The following STX18 variants were observed in gnomAD, a reference collection of about 807,000 sequenced individuals.
STX18 encodes syntaxin-18.
In STX18, 40 loss-of-function variants were observed where a neutral mutation model predicts 50.1. The ratio of observed to expected loss-of-function variants is 0.80; its 90% confidence interval spans 0.62 to 1.04. The LOEUF (loss-of-function observed/expected upper bound fraction) is 1.04, where lower values mean the gene tolerates loss of function less well. STX18 is among the 50% of genes least tolerant of loss of function. STX18 has a pLI of 0.00. For missense variants in STX18, 410 were observed against 415.8 expected (o/e 0.99, Z 0.12); for synonymous variants, 158 against 151.8 (o/e 1.04, Z -0.30).
At chr4:4,460,892 C>T (rs547418331) in intron 2 of STX18, among the ~76,000 whole-genome samples, 1 of 152,100 alleles carries the variant, frequency 6.6e-6, no homozygotes, top group Admixed American at 6.5e-5. Context: ...ATGAATGGCT[C>T]CCCTCTGGGG....
At chr4:4,448,897 T>C (rs1726583039) in intron 5 of STX18, among the ~76,000 whole-genome samples, 1 of 152,274 alleles carries the variant, frequency 6.6e-6, no homozygotes, top group South Asian at 2.1e-4. Flanking sequence ...CCCTTTCATT[T>C]TTCTGAGTGA....
At chr4:4,462,044 C>G (rs1727407793) in intron 2 of STX18, 1 of 449,630 alleles carries the variant, frequency 2.2e-6, no homozygotes, top group East Asian at 7.0e-5. Flanking sequence ...AGCAGAGTAT[C>G]AACAAGGCCA....
At chr4:4,520,797 G>C (rs1433149945) in intron 1 of STX18, among the ~76,000 whole-genome samples, 1 of 152,102 alleles carries the variant, frequency 6.6e-6, no homozygotes, top group South Asian at 2.1e-4. Flanking sequence ...ATAAATAAAT[G>C]TACTCAAAGC....
intron 9 of STX18, among the ~76,000 whole-genome samples, chr4:4,421,695 T>C (rs911727159): frequency 1.3e-5 from 2 of 152,232 alleles, no homozygotes; most frequent in African/African-American, 4.8e-5. Flanking sequence ...TAGTCTCTCA[T>C]TTCTTTCTGA....
At chr4:4,440,817 G>A (rs980288425) in intron 5 of STX18, among the ~76,000 whole-genome samples, 1 of 152,186 alleles carries the variant, frequency 6.6e-6, no homozygotes, top group African/African-American at 2.4e-5. Flanking sequence ...CTACAGCTGA[G>A]TCATAAAACT....
At chr4:4,541,221 C>T (rs1162073631) in intron 1 of STX18, among the ~76,000 whole-genome samples, 1 of 152,218 alleles carries the variant, frequency 6.6e-6, no homozygotes, top group Non-Finnish European at 1.5e-5. Context: ...GAAGGGACAC[C>T]TGCTCTGATC....
At chr4:4,523,206 T>C (rs1479021855) in intron 1 of STX18, among the ~76,000 whole-genome samples, 2 of 152,190 alleles carry the variant, frequency 1.3e-5, no homozygotes, top group African/African-American at 4.8e-5. Context: ...AAAAACAAGC[T>C]TATTACTTGG....
chr4:4,531,084 C>T (rs980982373), intron 1 of STX18, among the ~76,000 whole-genome samples: 3 of 151,866 alleles, frequency 2.0e-5, no homozygotes, highest in East Asian at 3.8e-4. Context: ...AACCAATTAC[C>T]GCCAATCACT....
intron 3 of STX18, among the ~76,000 whole-genome samples, chr4:4,459,060 A>ACG (rs899527406): frequency 6.8e-4 from 95 of 139,526 alleles, no homozygotes; most frequent in African/African-American, 2.2e-3. Flanking sequence ...ACACACACAC[A>ACG]CGCACACACA....
At chr4:4,532,358 CCTG>C (rs1731138780) in intron 1 of STX18, among the ~76,000 whole-genome samples, 2 of 151,920 alleles carry the variant, frequency 1.3e-5, no homozygotes, top group African/African-American at 4.8e-5. Context: ...AAAAATGTGC[CCTG>C]CTAATAAAAT....
chr4:4,441,923 G>A (rs1396435734), intron 5 of STX18, among the ~76,000 whole-genome samples: 1 of 152,222 alleles, frequency 6.6e-6, no homozygotes, highest in Non-Finnish European at 1.5e-5. Context: ...TGATAGGCAG[G>A]TAAAAGAAGC....
In STX18 at chr4:4,457,676, C is replaced by T. The variant is rs1727152679; in HGVS notation, c.353-176G>A. On this transcript the variant is annotated intron_variant, in intron 3 of 10. Coordinates refer to ENST00000306200, the MANE Select transcript of STX18 (RefSeq NM_016930.4). ...AAACAGTAAGATGTATCAGGCTTCGCAAGAGTGAAAGATTAAACCTGTAGA... is the reference window on the plus strand; with the variant it reads ...AAACAGTAAGATGTATCAGGCTTCGTAAGAGTGAAAGATTAAACCTGTAGA... Among the ~76,000 whole-genome samples the T allele has an allele frequency of 2.6e-5, 4 of 152,214 alleles. No individual in the cohort carries two copies. The South Asian group carries it at 8.3e-4, about 32-fold the overall frequency.
intron 2 of STX18, among the ~76,000 whole-genome samples, chr4:4,466,988 T>C (rs1199177517): frequency 6.6e-6 from 1 of 151,988 alleles, no homozygotes; most frequent in Non-Finnish European, 1.5e-5. Context: ...AGCTGTCCTC[T>C]TGCACAGAGT....
At chr4:4,456,198 T>C (rs1254523437) in intron 5 of STX18, among the ~76,000 whole-genome samples, 1 of 151,836 alleles carries the variant, frequency 6.6e-6, no homozygotes, top group East Asian at 1.9e-4. Context: ...GAGGATTGTT[T>C]GAGCCCAGGA....
chr4:4,457,054 C>T (rs1010022057), intron 5 of STX18, 137 bp downstream of exon 5: 8 of 767,226 alleles, frequency 1.0e-5, no homozygotes, highest in South Asian at 3.5e-5. Flanking sequence ...AGTGAGTGCC[C>T]GGTAGCGCCA....
intron 1 of STX18, among the ~76,000 whole-genome samples, chr4:4,511,713 AGTGTGTGTGTGTGTGT>A (rs3038434): frequency 3.4e-4 from 47 of 137,502 alleles, no homozygotes; most frequent in South Asian, 1.8e-3. Context: ...ACTCATGATT[AGTGTGTGTGTGTGTGT>A]GTGTGTGTGT....
At chr4:4,539,922 GACTCA>G (rs1411196171) in intron 1 of STX18, among the ~76,000 whole-genome samples, 1 of 152,086 alleles carries the variant, frequency 6.6e-6, no homozygotes, top group East Asian at 1.9e-4. Flanking sequence ...CCCTGAGCAG[GACTCA>G]AAATTAGCAC....
chr4:4,541,706 G>C, intron 1 of STX18, 91 bp downstream of exon 1: 1 of 1,449,796 alleles, frequency 6.9e-7, no homozygotes, highest in Non-Finnish European at 9.3e-7. Flanking sequence ...TTCACACAAT[G>C]CTTACGGGAC....
chr4:4,454,767 T>G (rs971184334), intron 5 of STX18, among the ~76,000 whole-genome samples: 8 of 152,230 alleles, frequency 5.3e-5, no homozygotes, highest in Non-Finnish European at 8.8e-5. Context: ...GATTCAGCTG[T>G]GATGCTGGAC....
Sources: allele counts gnomAD v4.1 joint callset (sites outside exome capture counted in the v4.1 genomes callset), GRCh38; gene constraint gnomAD v4.1.1; transcripts MANE v1.5; gene names NCBI Gene and HGNC (gene_info 2026-07-23, HGNC 2026-07-21).